The following BPGM variants were observed in gnomAD, a reference collection of about 807,000 sequenced individuals.
The protein encoded by BPGM is 2,3-bisphosphoglycerate mutase, erythrocyte.
Under a neutral mutation model 21.6 loss-of-function variants are expected in BPGM, and 15 were observed. The ratio of observed to expected loss-of-function variants is 0.70; its 90% CI spans 0.47 to 1.07. The LOEUF is 1.07. Among genes scored for constraint, BPGM ranks in the 50% least tolerant of loss-of-function variants. BPGM has a pLI of 0.00. For missense variants in BPGM, 273 were observed against 319.0 expected, an observed-to-expected ratio of 0.86 and a Z score of 1.10; for synonymous variants, 113 against 116.2, an observed-to-expected ratio of 0.97 and a Z score of 0.18.
intron 1 of BPGM, among the ~76,000 whole-genome samples, chr7:134,648,142 T>TG (rs1283072553): frequency 3.3e-5 from 5 of 149,478 alleles, no homozygotes; most frequent in Non-Finnish European, 3.0e-5. Flanking sequence ...GTTTTTTTTT[T>TG]GTTTTGTTTT....
At chr7:134,653,923 T>G (rs182892898) in intron 1 of BPGM, among the ~76,000 whole-genome samples, 2 of 152,340 alleles carry the variant, frequency 1.3e-5, no homozygotes, top group African/African-American at 2.4e-5. Flanking sequence ...ATTTTCCATA[T>G]GTACCTGTTC....
At chr7:134,655,317 C>T (rs1795619437) in intron 1 of BPGM, among the ~76,000 whole-genome samples, 1 of 152,040 alleles carries the variant, frequency 6.6e-6, no homozygotes, top group Admixed American at 6.5e-5. Flanking sequence ...AAGGTGAGCC[C>T]TCCTTCATGT....
intron 1 of BPGM, among the ~76,000 whole-genome samples, chr7:134,651,008 A>G (rs898307980): frequency 6.6e-6 from 1 of 152,192 alleles, no homozygotes; most frequent in Non-Finnish European, 1.5e-5. Context: ...TGTTAAAGAC[A>G]TGGTTCTTTT....
At chr7:134,671,154 A>G (rs958367669) in intron 2 of BPGM, among the ~76,000 whole-genome samples, 5 of 152,120 alleles carry the variant, frequency 3.3e-5, no homozygotes, top group African/African-American at 1.2e-4. Context: ...AATTTATTCA[A>G]TTCAGGTTTG....
chr7:134,661,264 C>T lies in BPGM; in HGVS notation c.-61-183C>T, dbSNP rs1340496525. On this transcript the variant is annotated intron_variant, in intron 1 of 2. Coordinates refer to ENST00000344924, the MANE Select transcript of BPGM (RefSeq NM_001724.5). This position sits in a 1 kb window ranked among gnomAD's most constrained non-coding sequence, Gnocchi z 4.6. ...CAGAAAATTTAAGTCAACTAGATTC[C>T]CTGTAATGAATTATTAATATCTATA... Among the ~76,000 whole-genome samples, 3 of 152,080 alleles carry T rather than the reference C, an allele frequency of 2.0e-5. No individual in the cohort carries two copies. The highest frequency in any genetic ancestry group is 2.9e-5 in the Non-Finnish European group (2 of 68,022).
chr7:134,677,507 C>A (rs1795999893), intron 2 of BPGM, among the ~76,000 whole-genome samples: 1 of 152,110 alleles, frequency 6.6e-6, no homozygotes. Context: ...AAAGAGCCAC[C>A]CCAGCAGTAA....
intron 1 of BPGM, among the ~76,000 whole-genome samples, chr7:134,660,119 A>G (rs1353152894): frequency 1.3e-5 from 2 of 152,166 alleles, no homozygotes; most frequent in Non-Finnish European, 2.9e-5. Flanking sequence ...TTTGCCTTCC[A>G]TTGAAATATA....
chr7:134,658,890 G>GTGTT (rs1284887799), intron 1 of BPGM, among the ~76,000 whole-genome samples: 2 of 137,818 alleles, frequency 1.5e-5, no homozygotes, highest in African/African-American at 5.3e-5. Flanking sequence ...GTGTGTGTGT[G>GTGTT]TATTTTTTTT....
chr7:134,662,028 C>T lies in BPGM; in HGVS notation c.521C>T (p.Ala174Val). ...RLLPYWNERI[A>V]PEVLRGKTIL... is the part of the protein sequence containing the mutation. ...CTTCCCTATTGGAATGAAAGGATTG[C>T]TCCCGAAGTATTACGTGGCAAAACC... Residue 174 changes from alanine (A) to valine (V), a missense_variant, in exon 2 of 3, where the codon GCT (alanine) becomes GTT (valine). Physicochemically the swap from Ala to Val is moderately conservative, Grantham distance 64. Transcript: ENST00000344924. 1 of 1,614,124 alleles carries T rather than the reference C, an allele frequency of 6.2e-7. No homozygotes were observed. The highest frequency in any genetic ancestry group is 8.5e-7 in the Non-Finnish European group (1 of 1,180,010).
At position 134,646,914 on chromosome 7, in the gene BPGM, C is replaced by G; in HGVS notation, c.-85C>G. 5.3e-6 allele frequency: 1 copy of G among 190,142 alleles called. No homozygotes were observed. Among genetic ancestry groups the G allele is most frequent in the Non-Finnish European group, 1.1e-5 (1 of 88,256 alleles). 11.8% of individuals were successfully genotyped at this position (190,142 alleles called of 1,614,324 possible). ...GGAGGAGCGGCTGCTGCTGCTGCTG[C>G]TGCTGCTGGTGGCCCCTTTGCAGGT... On this transcript the variant is annotated 5_prime_UTR_variant, in exon 1 of 3. Transcript: ENST00000344924.
chr7:134,679,134 G>A lies in BPGM; in HGVS notation c.*103G>A. ...TTTTTCCCCGATTTTCCAGAGCTAGGCTGTGGAGTAGAGTTTGTATAGGTA... is the reference window on the plus strand; with the variant it reads ...TTTTTCCCCGATTTTCCAGAGCTAGACTGTGGAGTAGAGTTTGTATAGGTA... On this transcript the variant is annotated 3_prime_UTR_variant, in exon 3 of 3. Coordinates refer to ENST00000344924, the MANE Select transcript of BPGM (RefSeq NM_001724.5). 7.3e-7 allele frequency: 1 copy of A among 1,363,438 alleles called. No homozygotes were observed. 84.5% of individuals were successfully genotyped at this position (1,363,438 alleles called of 1,614,324 possible). A position where few individuals can be genotyped will look rare whatever the true frequency, so the allele number is the denominator to read the frequency against.
intron 2 of BPGM, among the ~76,000 whole-genome samples, chr7:134,665,173 G>A (rs370718508): frequency 2.6e-5 from 4 of 151,662 alleles, no homozygotes; most frequent in Non-Finnish European, 5.9e-5. Context: ...GAAAACAGTG[G>A]GGGGTGGCAA....
rs142079986 is a variant in BPGM, at chr7:134,659,235, A to G, written c.-61-2212A>G. 3.5e-3 allele frequency among the ~76,000 whole-genome samples: 527 copies of G among 152,286 alleles called. 3 individuals are homozygous for G. The highest frequency in any genetic ancestry group is 0.012 in the African/African-American group (498 of 41,564). ...CCTCCACTACCAATAACAAAACAAA[A>G]TGATCAATGGTTACAAAGGGTAGAT... On this transcript the variant is annotated intron_variant, in intron 1 of 2. Coordinates refer to ENST00000344924, the MANE Select transcript of BPGM (RefSeq NM_001724.5).
chr7:134,672,934 G>A (rs1795927888), intron 2 of BPGM, among the ~76,000 whole-genome samples: 1 of 152,102 alleles, frequency 6.6e-6, no homozygotes, highest in African/African-American at 2.4e-5. Flanking sequence ...CAGCACTTTG[G>A]GAGGCCGAGG....
At chr7:134,669,967 G>T (rs1167565616) in intron 2 of BPGM, among the ~76,000 whole-genome samples, 1 of 151,964 alleles carries the variant, frequency 6.6e-6, no homozygotes, top group Admixed American at 6.6e-5. Flanking sequence ...GTATCTGAAA[G>T]CATCCTGTAC....
At chr7:134,671,387 A>T in intron 2 of BPGM, among the ~76,000 whole-genome samples, 1 of 134,226 alleles carries the variant, frequency 7.5e-6, no homozygotes, top group African/African-American at 3.0e-5. Context: ...TTTGAGATGG[A>T]GTCTCGCTCT....
chr7:134,677,375 T>C (rs1354818656), intron 2 of BPGM, among the ~76,000 whole-genome samples: 2 of 152,302 alleles, frequency 1.3e-5, no homozygotes, highest in African/African-American at 4.8e-5. Context: ...GTACACTTAC[T>C]TGGAAGAGAC....
At chr7:134,656,416 AATTGT>A (rs1162742979) in intron 1 of BPGM, among the ~76,000 whole-genome samples, 1 of 152,234 alleles carries the variant, frequency 6.6e-6, no homozygotes, top group Non-Finnish European at 1.5e-5. Context: ...CATGTGTTAG[AATTGT>A]ATTAGTTCTC....
intron 1 of BPGM, among the ~76,000 whole-genome samples, chr7:134,653,102 T>C (rs1795582234): frequency 6.6e-6 from 1 of 152,252 alleles, no homozygotes; most frequent in Non-Finnish European, 1.5e-5. Flanking sequence ...TTCATGTGCA[T>C]GAAAATTATA....
Sources: gnomAD v4.1 joint callset for allele counts (sites outside exome capture counted in the v4.1 genomes callset) on GRCh38, gnomAD v4.1.1 for gene constraint, Gnocchi (gnomAD v3.1) non-coding constraint, MANE v1.5 for transcripts, NCBI Gene and HGNC (gene_info 2026-07-23, HGNC 2026-07-21) for gene names.